XAF1: variants seen among roughly 807,000 people sequenced by gnomAD.
The protein encoded by XAF1 is XIAP-associated factor 1.
A neutral mutation model predicts 32.3 loss-of-function variants in XAF1; 32 were observed. The observed-to-expected ratio is 0.99, with a 90% confidence interval of 0.75 to 1.33. The LOEUF (loss-of-function observed/expected upper bound fraction) is 1.33. XAF1 is among the 40% of genes most tolerant of loss of function. XAF1 has a pLI of 0.00. For missense variants in XAF1, 379 were observed against 366.0 expected, an observed-to-expected ratio of 1.04 and a Z score of -0.29; for synonymous variants, 120 against 125.9, an observed-to-expected ratio of 0.95 and a Z score of 0.31.
In XAF1 at chr17:6,773,188, AC is replaced by A; in HGVS notation, c.*20del. The A allele has an allele frequency of 1.3e-6, 2 of 1,595,572 alleles. No individual in the cohort carries two copies. The highest frequency in any genetic ancestry group is 1.7e-6 in the Non-Finnish European group (2 of 1,173,010). On this transcript the variant is annotated 3_prime_UTR_variant, in exon 7 of 7. Transcript: ENST00000361842. ...CAGCTAGATTTGGAAAAGGAAAGGT[AC>A]TACAAATTCAAAAGATTTCACTTTT...
At chr17:6,765,980 T>C (rs994397473) in intron 5 of XAF1, among the ~76,000 whole-genome samples, 2 of 152,202 alleles carry the variant, frequency 1.3e-5, no homozygotes, top group African/African-American at 4.8e-5. Flanking sequence ...TCTCATGTAC[T>C]ACTCCTGTTC....
Position 6,770,858 on chromosome 17 carries a change from A to G in XAF1, c.723A>G (p.Pro241=). The change falls in exon 6 of 7, where the codon CCA becomes CCG. Residue 241 remains proline (P), a synonymous_variant. Transcript: ENST00000361842. ...APRSKNKTLD[P]LLMSEPKPRT... is the part of the protein sequence containing the mutation. ...GAAGCAAAAACAAAACCTTGGATCC[A>G]CTTTTGATGTCAGAGCCCAAGCCCA... is the stretch of plus-strand genomic sequence containing the variant. 1 of 1,613,982 alleles carries G rather than the reference A, an allele frequency of 6.2e-7. No homozygotes were observed. The highest frequency in any genetic ancestry group is 8.5e-7 in the Non-Finnish European group (1 of 1,179,938).
At chr17:6,769,298 CA>C (rs1597749966) in intron 5 of XAF1, among the ~76,000 whole-genome samples, 1 of 150,960 alleles carries the variant, frequency 6.6e-6, no homozygotes. Flanking sequence ...GTTCTCACTA[CA>C]AAAAAAAGAT....
intron 3 of XAF1, 92 bp from the exon 4 acceptor site, chr17:6,760,314 C>G: frequency 7.5e-7 from 1 of 1,326,594 alleles, no homozygotes; most frequent in Non-Finnish European, 1.0e-6. Flanking sequence ...AGCCACTGCA[C>G]TCCAGCCTGG....
At chr17:6,763,269 G>C (rs1975353905) in intron 5 of XAF1, among the ~76,000 whole-genome samples, 1 of 152,100 alleles carries the variant, frequency 6.6e-6, no homozygotes. Flanking sequence ...CATTTTCAAG[G>C]TTTGCCCGTG....
intron 5 of XAF1, among the ~76,000 whole-genome samples, chr17:6,764,118 T>G (rs547304102): frequency 6.6e-6 from 1 of 152,378 alleles, no homozygotes; most frequent in African/African-American, 2.4e-5. Flanking sequence ...TTAGTTCTGC[T>G]GTGCCCCTTA....
chr17:6,766,680 C>T (rs1266425017), intron 5 of XAF1, among the ~76,000 whole-genome samples: 1 of 152,186 alleles, frequency 6.6e-6, no homozygotes, highest in Non-Finnish European at 1.5e-5. Flanking sequence ...TCTCCTACAA[C>T]TTTTTGTTTT....
intron 6 of XAF1, 152 bp from the exon 7 acceptor site, chr17:6,772,961 C>T: frequency 1.6e-6 from 1 of 621,352 alleles, no homozygotes; most frequent in South Asian, 2.2e-5. Context: ...ACTTCTGGCT[C>T]AGTGGGCTCC....
chr17:6,770,806 C>A lies in XAF1; in HGVS notation c.671C>A (p.Ser224Tyr), dbSNP rs1457176365. Residue 224 changes from serine (S) to tyrosine (Y), a missense_variant, in exon 6 of 7, where the codon TCT becomes TAT. Coordinates refer to ENST00000361842, the MANE Select transcript of XAF1 (RefSeq NM_017523.5). ...AGTATAAACAGATTTCCTCTTCATT[C>A]TGAAAGTTCATCAAAGAAAGCACCA... The part of the protein sequence containing the change: ...TRSINRFPLH[S>Y]ESSSKKAPRS... 1 of 1,613,612 alleles carries A rather than the reference C, an allele frequency of 6.2e-7. No individual in the cohort carries two copies. The highest frequency in any genetic ancestry group is 8.5e-7 in the Non-Finnish European group (1 of 1,179,918).
At chr17:6,767,461 T>C (rs1479043923) in intron 5 of XAF1, among the ~76,000 whole-genome samples, 2 of 152,342 alleles carry the variant, frequency 1.3e-5, no homozygotes, top group East Asian at 3.9e-4. Context: ...GAAGTGGGTA[T>C]GCAGTGGAAT....
chr17:6,769,085 C>T (rs773096060), intron 5 of XAF1, among the ~76,000 whole-genome samples: 18 of 150,676 alleles, frequency 1.2e-4, no homozygotes, highest in Non-Finnish European at 2.1e-4. Flanking sequence ...CTCTTTTAAT[C>T]GCCTTATGTC....
At chr17:6,763,854 C>T (rs1209363841) in intron 5 of XAF1, among the ~76,000 whole-genome samples, 1 of 152,202 alleles carries the variant, frequency 6.6e-6, no homozygotes, top group Non-Finnish European at 1.5e-5. Context: ...GATTCTCAGC[C>T]TTGGCTGTAC....
At position 6,770,775 on chromosome 17, in the gene XAF1, A is replaced by T. The variant is rs147254786; in HGVS notation, c.640A>T (p.Thr214Ser). 2 of 1,613,986 alleles carry T rather than the reference A, an allele frequency of 1.2e-6. No homozygotes were observed. The highest frequency in any genetic ancestry group is 2.7e-5 in the African/African-American group (2 of 74,922). ...GATGGAGAAAGATGTTCGTCCAAAG[A>T]CAAGAAGTATAAACAGATTTCCTCT... ...STMEKDVRPK[T>S]RSINRFPLHS... The change falls in exon 6 of 7, where the codon ACA (threonine) becomes TCA (serine). Residue 214 changes from threonine (T) to serine (S), a missense_variant. Thr to Ser is a moderately conservative substitution (Grantham distance 58). Coordinates refer to ENST00000361842, the MANE Select transcript of XAF1 (RefSeq NM_017523.5).
intron 5 of XAF1, among the ~76,000 whole-genome samples, chr17:6,765,329 C>A (rs1012191435): frequency 6.6e-6 from 1 of 152,032 alleles, no homozygotes; most frequent in African/African-American, 2.4e-5. Flanking sequence ...AGGAGAATGG[C>A]GTGAACCCAG....
intron 1 of XAF1, 93 bp from the exon 2 acceptor site, chr17:6,757,996 T>C: frequency 6.4e-7 from 1 of 1,559,598 alleles, no homozygotes; most frequent in Admixed American, 1.7e-5. Context: ...GCTTAAGGCC[T>C]CTGGAGATCT....
chr17:6,769,194 A>AT (rs1249196396), intron 5 of XAF1, among the ~76,000 whole-genome samples: 2 of 151,512 alleles, frequency 1.3e-5, no homozygotes, highest in Admixed American at 6.6e-5. Context: ...GCCAAATCTA[A>AT]TTTTCTGTTT....
At chr17:6,762,729 G>T (rs892827133) in intron 5 of XAF1, among the ~76,000 whole-genome samples, 2 of 152,158 alleles carry the variant, frequency 1.3e-5, no homozygotes, top group South Asian at 2.1e-4. Flanking sequence ...ACACTCACAG[G>T]TTCTTCCCTC....
intron 1 of XAF1, 149 bp downstream of exon 1, chr17:6,756,259 A>C: frequency 9.3e-7 from 1 of 1,077,674 alleles, no homozygotes. Context: ...CCCCAAGGGT[A>C]GGAGGGTTTA....
chr17:6,760,818 G>A (rs182920623), intron 4 of XAF1, among the ~76,000 whole-genome samples: 9 of 152,310 alleles, frequency 5.9e-5, no homozygotes, highest in Admixed American at 5.9e-4. Flanking sequence ...GGGAGACTAG[G>A]AGGCCGGGGC....
Sources: gnomAD v4.1 joint callset for allele counts (sites outside exome capture counted in the v4.1 genomes callset) on GRCh38, gnomAD v4.1.1 for gene constraint, MANE v1.5 for transcripts, NCBI Gene and HGNC (gene_info 2026-07-23, HGNC 2026-07-21) for gene names.